The following BMPR1A variants were observed in gnomAD, a reference collection of about 807,000 sequenced individuals.
BMPR1A encodes bone morphogenetic protein receptor type 1A, also known as bone morphogenetic protein receptor type-1A.
A neutral mutation model predicts 66.0 loss-of-function variants in BMPR1A; 7 were observed. The observed-to-expected ratio is 0.11, with a 90% confidence interval of 0.06 to 0.20. The LOEUF (loss-of-function observed/expected upper bound fraction) is 0.20. Among genes scored for constraint, BMPR1A ranks in the 10% least tolerant of loss-of-function variants. The pLI is 1.00. For missense variants in BMPR1A, 408 were observed against 669.1 expected (o/e 0.61, Z 4.31); for synonymous variants, 200 against 229.7 (o/e 0.87, Z 1.17).
chr10:86,872,161 G>A (rs1842862284), intron 2 of BMPR1A, among the ~76,000 whole-genome samples: 1 of 152,166 alleles, frequency 6.6e-6, no homozygotes, highest in South Asian at 2.1e-4. Context: ...AGTTATCACA[G>A]CTTTTTTTGT....
rs575847316 is a variant in BMPR1A, at chr10:86,892,862, C to CAA, written c.333+651_333+652dup. Among the ~76,000 whole-genome samples, 183 of 94,026 alleles carry CAA rather than the reference C, an allele frequency of 1.9e-3. 2 individuals carry two copies. Among genetic ancestry groups the CAA allele is most frequent in the African/African-American group, 1.6e-3 (43 of 27,488 alleles). The allele number at this position is 94,026 out of a possible 152,430, so 61.7% of individuals were successfully genotyped here. On this transcript the variant is annotated intron_variant, in intron 5 of 12. Coordinates refer to ENST00000372037, the MANE Select transcript of BMPR1A (RefSeq NM_004329.3). ...TGGGCCACAGAGCAAGACCCTGTCT[C>CAA]AAAAAAAAAAAAAAAAAAATTCTTT...
rs1351170939 is a variant in BMPR1A at position 86,892,252 on chromosome 10, T to C, written c.333+23T>C. The C allele has an allele frequency of 1.9e-6, 3 of 1,589,594 alleles. No individual in the cohort carries two copies. The Admixed American group carries it at 5.0e-5, about 27-fold the overall frequency. ...AAAGTAAGATATAATTTGGGACCCA[T>C]GAGACAAAGAAGGGAGGGGCCATAT... On this transcript the variant is annotated intron_variant, in intron 5 of 12. Transcript: ENST00000372037.
intron 2 of BMPR1A, among the ~76,000 whole-genome samples, chr10:86,875,083 G>A (rs985609002): frequency 6.6e-6 from 1 of 151,044 alleles, no homozygotes; most frequent in Non-Finnish European, 1.5e-5. Context: ...TTAAATATGT[G>A]TAATTTTCGC....
chr10:86,849,345 C>T (rs1842534213), intron 2 of BMPR1A, among the ~76,000 whole-genome samples: 1 of 152,172 alleles, frequency 6.6e-6, no homozygotes, highest in Non-Finnish European at 1.5e-5. Flanking sequence ...TCTGGAATGC[C>T]TCTCTCACAT....
rs141810826 is a variant in BMPR1A, at chr10:86,844,067, A to G, written c.-153+5088A>G. 3.9e-3 allele frequency among the ~76,000 whole-genome samples: 593 copies of G among 152,344 alleles called. 2 individuals are homozygous for G. Among genetic ancestry groups the G allele is most frequent in the African/African-American group, 7.6e-3 (317 of 41,590 alleles). On this transcript the variant is annotated intron_variant, in intron 2 of 12. Transcript: ENST00000372037. ...GATAATGTTGGCCTCATTAGTAGCC[A>G]AGGTAAGTTGGATCCTACTTTTCTA...
chr10:86,921,977 TC>T (rs1843671136), intron 11 of BMPR1A, among the ~76,000 whole-genome samples: 1 of 152,156 alleles, frequency 6.6e-6, no homozygotes, highest in Non-Finnish European at 1.5e-5. Context: ...ACTGTAGTCC[TC>T]CCCGTTGTGC....
chr10:86,776,877 C>T (rs564734052), intron 1 of BMPR1A, among the ~76,000 whole-genome samples: 2 of 152,222 alleles, frequency 1.3e-5, no homozygotes, highest in South Asian at 2.1e-4. Context: ...AGTTTCCACC[C>T]TACCTCAGCT....
intron 2 of BMPR1A, among the ~76,000 whole-genome samples, chr10:86,853,799 A>G (rs1842604095): frequency 2.0e-5 from 3 of 152,200 alleles, no homozygotes; most frequent in Admixed American, 6.5e-5. Flanking sequence ...CGTGCTTCAC[A>G]AGGTAATAGA....
intron 2 of BMPR1A, among the ~76,000 whole-genome samples, chr10:86,864,847 C>T (rs1842761132): frequency 6.6e-6 from 1 of 152,028 alleles, no homozygotes; most frequent in South Asian, 2.1e-4. Context: ...TCTAACAATC[C>T]CACAATATCA....
intron 2 of BMPR1A, chr10:86,854,927 CTTTTTCT>C (rs1356539315): frequency 5.9e-6 from 1 of 170,344 alleles, no homozygotes; most frequent in East Asian, 1.5e-4. Context: ...CTTTTTTTTT[CTTTTTCT>C]TTTTTTTTTT....
At chr10:86,761,648 A>G (rs570660458) in intron 1 of BMPR1A, among the ~76,000 whole-genome samples, 5 of 152,340 alleles carry the variant, frequency 3.3e-5, no homozygotes, top group African/African-American at 9.6e-5. Context: ...GGTCATCACC[A>G]AGGTCTGATT....
Position 86,768,361 on chromosome 10 carries a change from A to G in BMPR1A, c.-268+11442A>G, listed in dbSNP as rs898107900. On this transcript the variant is annotated intron_variant, in intron 1 of 12. Transcript: ENST00000372037. ...TTTGTTAAAAGAAGTGGATTATGCT[A>G]TTAAAGATGTGCCCCCCACCCCCAT... 4.6e-5 allele frequency among the ~76,000 whole-genome samples: 7 copies of G among 152,324 alleles called. No individual in the cohort carries two copies. The Middle Eastern group carries it at 0.02, about 444-fold the overall frequency.
chr10:86,856,745 A>G (rs940567955), intron 2 of BMPR1A, among the ~76,000 whole-genome samples: 3 of 152,188 alleles, frequency 2.0e-5, no homozygotes, highest in African/African-American at 7.2e-5. Flanking sequence ...GCAGTTCCCA[A>G]CGAGACTGCC....
intron 1 of BMPR1A, among the ~76,000 whole-genome samples, chr10:86,835,987 C>T (rs941400281): frequency 9.9e-5 from 15 of 152,150 alleles, no homozygotes; most frequent in Non-Finnish European, 4.4e-5. Flanking sequence ...TTTTCCATGT[C>T]ATTAAGAAGC....
chr10:86,864,433 C>CT (rs1842753574), intron 2 of BMPR1A, among the ~76,000 whole-genome samples: 1 of 152,222 alleles, frequency 6.6e-6, no homozygotes, highest in Non-Finnish European at 1.5e-5. Context: ...GACTTCTCTG[C>CT]TAGCATCACA....
At chr10:86,882,514 G>A (rs964834541) in intron 3 of BMPR1A, among the ~76,000 whole-genome samples, 2 of 151,998 alleles carry the variant, frequency 1.3e-5, no homozygotes, top group East Asian at 1.9e-4. Flanking sequence ...TACATCAAAC[G>A]GATAATGGTG....
At chr10:86,912,592 A>G (rs1201871626) in intron 8 of BMPR1A, among the ~76,000 whole-genome samples, 1 of 152,232 alleles carries the variant, frequency 6.6e-6, no homozygotes, top group Admixed American at 6.5e-5. Context: ...CAAGTAAGAT[A>G]GAGCTATAAA....
chr10:86,789,667 C>T (rs1041079299), intron 1 of BMPR1A, among the ~76,000 whole-genome samples: 3 of 150,070 alleles, frequency 2.0e-5, no homozygotes, highest in Admixed American at 6.6e-5. Context: ...GAGCCAAAAT[C>T]ATGCCACTGC....
At chr10:86,818,227 C>T (rs1024886133) in intron 1 of BMPR1A, among the ~76,000 whole-genome samples, 1 of 152,120 alleles carries the variant, frequency 6.6e-6, no homozygotes. Flanking sequence ...CCATGTTGGC[C>T]AAGCTGGTCT....
Sources: gnomAD v4.1 joint callset for allele counts (sites outside exome capture counted in the v4.1 genomes callset) on GRCh38, gnomAD v4.1.1 for gene constraint, MANE v1.5 for transcripts, NCBI Gene and HGNC (gene_info 2026-07-23, HGNC 2026-07-21) for gene names.